MAP3K5: variants seen among roughly 807,000 people sequenced by gnomAD.
MAP3K5 encodes the protein mitogen-activated protein kinase kinase kinase 5, also known as ASK-1.
Under a neutral mutation model 158.7 loss-of-function variants are expected in MAP3K5, and 56 were observed. The observed-to-expected ratio is 0.35, with a 90% CI of 0.28 to 0.44. The LOEUF is 0.44. MAP3K5 is among the 20% of genes least tolerant of loss of function. The pLI is 1.00. For synonymous variants in MAP3K5, 579 were observed against 601.7 expected, an observed-to-expected ratio of 0.96 and a Z score of 0.55; for missense variants, 1,294 against 1,674.8, an observed-to-expected ratio of 0.77 and a Z score of 3.97.
intron 1 of MAP3K5, among the ~76,000 whole-genome samples, chr6:136,789,507 G>A (rs779657737): frequency 5.3e-5 from 8 of 151,828 alleles, no homozygotes; most frequent in Non-Finnish European, 1.2e-4. Flanking sequence ...GTGGGCGCAG[G>A]AAAAAGAGGC....
intron 18 of MAP3K5, 152 bp downstream of exon 18, chr6:136,611,130 A>AAG: frequency 2.1e-6 from 1 of 477,484 alleles, no homozygotes; most frequent in African/African-American, 2.0e-5. Context: ...AAAAAAAAAA[A>AAG]AAAAGAAAGA....
intron 21 of MAP3K5, chr6:136,592,824 C>G (rs1224104138): frequency 1.4e-5 from 9 of 623,452 alleles, no homozygotes; most frequent in Non-Finnish European, 2.4e-5. Flanking sequence ...AAGGGCCTCC[C>G]AGGCCCTGGG....
rs183259631 is a variant in MAP3K5, at chr6:136,702,772, T to C, written c.612+2338A>G. Among the ~76,000 whole-genome samples the C allele has an allele frequency of 1.1e-3, 162 of 152,354 alleles. 1 individual carries two copies. The highest frequency in any genetic ancestry group is 3.4e-3 in the Middle Eastern group (1 of 294). ...GCACAGTGACATGATCTCGGCTCAC[T>C]GCAGCCTCTGCCTCCTGGGTGCAAG... On this transcript the variant is annotated intron_variant, in intron 3 of 29. Transcript: ENST00000359015.
chr6:136,702,262 C>T (rs1451939479), intron 3 of MAP3K5, among the ~76,000 whole-genome samples: 1 of 151,922 alleles, frequency 6.6e-6, no homozygotes, highest in Non-Finnish European at 1.5e-5. Context: ...TACAACTGGG[C>T]CTGAGCTAAG....
intron 13 of MAP3K5, 61 bp downstream of exon 13, chr6:136,639,482 T>C: frequency 2.3e-6 from 2 of 874,924 alleles, no homozygotes; most frequent in Non-Finnish European, 1.8e-6. Context: ...TGTTCACTCA[T>C]TACTTGAAAA....
intron 1 of MAP3K5, among the ~76,000 whole-genome samples, chr6:136,732,934 T>A (rs556464267): frequency 6.6e-6 from 1 of 152,242 alleles, no homozygotes; most frequent in Non-Finnish European, 1.5e-5. Context: ...AAAATCCCAA[T>A]CTTACAAATG....
intron 1 of MAP3K5, among the ~76,000 whole-genome samples, chr6:136,745,668 T>C (rs546888158): frequency 1.3e-5 from 2 of 152,336 alleles, no homozygotes; most frequent in East Asian, 3.9e-4. Context: ...TCAGTTTTTC[T>C]GCAGGCATTC....
intron 1 of MAP3K5, among the ~76,000 whole-genome samples, chr6:136,780,258 G>T (rs1784563051): frequency 6.6e-6 from 1 of 152,146 alleles, no homozygotes; most frequent in Admixed American, 6.5e-5. Context: ...TTTGTCCACA[G>T]CAATACAAAT....
chr6:136,706,135 G>A (rs941441876), intron 2 of MAP3K5, among the ~76,000 whole-genome samples: 2 of 152,028 alleles, frequency 1.3e-5, no homozygotes, highest in African/African-American at 4.8e-5. Context: ...GCACATGACT[G>A]CATGACTGTA....
chr6:136,569,234 C>A (rs371429717), intron 25 of MAP3K5, among the ~76,000 whole-genome samples: 1 of 152,176 alleles, frequency 6.6e-6, no homozygotes, highest in Non-Finnish European at 1.5e-5. Context: ...TATTTTGGAA[C>A]GGTCCTGCAA....
chr6:136,695,286 C>T (rs953184435), intron 6 of MAP3K5, among the ~76,000 whole-genome samples: 2 of 151,984 alleles, frequency 1.3e-5, no homozygotes, highest in Non-Finnish European at 2.9e-5. Context: ...TACAGGTGCA[C>T]ACTGCCACAC....
At chr6:136,698,733 C>T (rs752071193) in intron 3 of MAP3K5, 51 bp from the exon 4 acceptor site, 42 of 1,296,864 alleles carry the variant, frequency 3.2e-5, no homozygotes, top group Non-Finnish European at 4.6e-5. Context: ...GGAGACACGG[C>T]ACAGATGGAA....
intron 14 of MAP3K5, chr6:136,630,201 T>G (rs1175095923): frequency 6.6e-6 from 1 of 152,214 alleles, no homozygotes; most frequent in Non-Finnish European, 1.5e-5. Context: ...TTTTACTTAT[T>G]TGTGTTTATT....
At chr6:136,722,508 A>T (rs570328322) in intron 1 of MAP3K5, among the ~76,000 whole-genome samples, 1 of 152,274 alleles carries the variant, frequency 6.6e-6, no homozygotes, top group South Asian at 2.1e-4. Flanking sequence ...TAAATATATG[A>T]GAAATTACTC....
chr6:136,629,409 C>T, intron 14 of MAP3K5: 1 of 152,136 alleles, frequency 6.6e-6, no homozygotes, highest in East Asian at 1.9e-4. Context: ...ACTGCAGGTA[C>T]AAATATCTAG....
At chr6:136,599,327 T>C (rs1207664199) in intron 21 of MAP3K5, among the ~76,000 whole-genome samples, 1 of 152,138 alleles carries the variant, frequency 6.6e-6, no homozygotes, top group Non-Finnish European at 1.5e-5. Flanking sequence ...CTGCCCCTTT[T>C]TCTAGGCCCA....
intron 14 of MAP3K5, chr6:136,636,759 A>G: frequency 1.1e-6 from 1 of 888,948 alleles, no homozygotes; most frequent in Non-Finnish European, 1.3e-6. Flanking sequence ...TCTGGGCAAC[A>G]TAACGAGAAC....
At chr6:136,714,704 C>A (rs1042129087) in intron 2 of MAP3K5, among the ~76,000 whole-genome samples, 1 of 151,984 alleles carries the variant, frequency 6.6e-6, no homozygotes, top group Non-Finnish European at 1.5e-5. Flanking sequence ...GCTTTCAGTT[C>A]TTTTGGGTAT....
chr6:136,756,380 G>A (rs756758515), intron 1 of MAP3K5, among the ~76,000 whole-genome samples: 3 of 152,152 alleles, frequency 2.0e-5, no homozygotes, highest in Non-Finnish European at 4.4e-5. Context: ...CTAAGTCAGA[G>A]TGCAATGAAA....
Sources: allele counts gnomAD v4.1 joint callset (sites outside exome capture counted in the v4.1 genomes callset), GRCh38; gene constraint gnomAD v4.1.1; transcripts MANE v1.5; gene names NCBI Gene and HGNC (gene_info 2026-07-23, HGNC 2026-07-21).